AHI1: variants seen among roughly 807,000 people sequenced by gnomAD.
The protein encoded by AHI1 is Abelson helper integration site 1.
AHI1 carries 123 observed loss-of-function variants against 149.3 expected under a neutral mutation model. The observed-to-expected ratio is 0.82, with a 90% CI of 0.71 to 0.96. The LOEUF (loss-of-function observed/expected upper bound fraction) is 0.96. Among genes scored for constraint, AHI1 ranks in the 40% least tolerant of loss-of-function variants. The pLI is 0.00. For synonymous variants in AHI1, 475 were observed against 459.8 expected (o/e 1.03, Z -0.42); for missense variants, 1,439 against 1,422.7 (o/e 1.01, Z -0.18).
intron 23 of AHI1, among the ~76,000 whole-genome samples, chr6:135,372,353 A>T (rs1400265103): frequency 6.6e-6 from 1 of 152,096 alleles, no homozygotes; most frequent in Non-Finnish European, 1.5e-5. Flanking sequence ...CTTTTAAATT[A>T]AACCAAAACA....
chr6:135,304,694 C>G (rs780902241), intron 26 of AHI1, among the ~76,000 whole-genome samples: 1 of 152,062 alleles, frequency 6.6e-6, no homozygotes. Flanking sequence ...TTGCTTGAAC[C>G]CAGGAGGCGG....
chr6:135,320,628 T>C (rs948157812), intron 25 of AHI1, among the ~76,000 whole-genome samples: 5 of 152,210 alleles, frequency 3.3e-5, no homozygotes, highest in African/African-American at 1.2e-4. Flanking sequence ...CAAATATCTA[T>C]ATCCTCTCAA....
chr6:135,475,273 C>T (rs1176591480), intron 5 of AHI1, among the ~76,000 whole-genome samples: 1 of 152,144 alleles, frequency 6.6e-6, no homozygotes, highest in Non-Finnish European at 1.5e-5. Context: ...CTGATATCGG[C>T]AATTTGCGTC....
chr6:135,477,347 C>T (rs1047270008), intron 5 of AHI1, among the ~76,000 whole-genome samples: 16 of 152,084 alleles, frequency 1.1e-4, no homozygotes, highest in African/African-American at 2.4e-4. Flanking sequence ...GCCCTCTCTG[C>T]CCTCTTTTCC....
At chr6:135,312,051 T>C (rs569112751) in intron 26 of AHI1, among the ~76,000 whole-genome samples, 31 of 152,250 alleles carry the variant, frequency 2.0e-4, no homozygotes, top group Non-Finnish European at 3.4e-4. Flanking sequence ...ATGCAGCAGC[T>C]GCCAAGCTAT....
At chr6:135,298,088 T>C (rs975531543) in intron 27 of AHI1, among the ~76,000 whole-genome samples, 3 of 152,154 alleles carry the variant, frequency 2.0e-5, no homozygotes, top group Non-Finnish European at 4.4e-5. Context: ...ACATTAATAC[T>C]ACTTGTTAAG....
rs538859012 is a variant in AHI1 at position 135,383,062 on chromosome 6, T to C, written c.3109+11714A>G. Among the ~76,000 whole-genome samples, 15 of 148,528 alleles carry C rather than the reference T, an allele frequency of 1.0e-4. No homozygotes were observed. The East Asian group carries it at 2.3e-3, about 23-fold the overall frequency. ...TGTGAAATATGCGAAAACAAGTATA[T>C]ATGATTAATTTGGAGAAAAAGACCT... On this transcript the variant is annotated intron_variant, in intron 23 of 28. Coordinates refer to ENST00000265602, the MANE Select transcript of AHI1 (RefSeq NM_001134831.2).
At chr6:135,490,585 A>G (rs745765429) in intron 5 of AHI1, 38 bp downstream of exon 5, 3 of 1,611,840 alleles carry the variant, frequency 1.9e-6, no homozygotes, top group Admixed American at 1.7e-5. Flanking sequence ...TTTTATGCGC[A>G]TATGTAAATC....
At chr6:135,363,950 C>A (rs1794421855) in intron 23 of AHI1, among the ~76,000 whole-genome samples, 1 of 148,640 alleles carries the variant, frequency 6.7e-6, no homozygotes, top group East Asian at 2.0e-4. Context: ...GGGCTGACCC[C>A]CCCACCTCCC....
chr6:135,314,150 C>T (rs1437214834), intron 26 of AHI1, among the ~76,000 whole-genome samples: 4 of 152,088 alleles, frequency 2.6e-5, no homozygotes, highest in Admixed American at 1.3e-4. Context: ...TCTGTGTAAC[C>T]CCCAAATTCA....
chr6:135,467,566 G>T lies in AHI1; in HGVS notation c.189+15C>A, dbSNP rs769125088. Reference sequence around the variant, plus strand: ...TCATGCTCTTCTTCAGGCTGTTAGTGTTAGCAGTACTTACATCATCACTTG... The same window carrying T: ...TCATGCTCTTCTTCAGGCTGTTAGTTTTAGCAGTACTTACATCATCACTTG... On this transcript the variant is annotated intron_variant, in intron 6 of 28. Transcript: ENST00000265602. 17 of 1,595,064 alleles carry T rather than the reference G, an allele frequency of 1.1e-5. No homozygotes were observed. The highest frequency in any genetic ancestry group is 1.1e-5 in the Non-Finnish European group (13 of 1,163,342).
intron 23 of AHI1, among the ~76,000 whole-genome samples, chr6:135,373,528 GAAGAT>G: frequency 6.6e-6 from 1 of 152,194 alleles, no homozygotes; most frequent in East Asian, 1.9e-4. Flanking sequence ...ACAGTCTAGA[GAAGAT>G]AATAAAAGAA....
chr6:135,298,752 T>G (rs1783479027), intron 27 of AHI1, among the ~76,000 whole-genome samples: 1 of 152,214 alleles, frequency 6.6e-6, no homozygotes, highest in South Asian at 2.1e-4. Flanking sequence ...TGAGCTATAC[T>G]GACATCCTTT....
intron 24 of AHI1, among the ~76,000 whole-genome samples, chr6:135,346,681 G>A (rs1214534996): frequency 6.6e-6 from 1 of 152,120 alleles, no homozygotes; most frequent in African/African-American, 2.4e-5. Flanking sequence ...TTACCAAGTA[G>A]GTCTCAAGGA....
At chr6:135,491,696 A>T (rs1795272550) in intron 4 of AHI1, among the ~76,000 whole-genome samples, 1 of 152,224 alleles carries the variant, frequency 6.6e-6, no homozygotes, top group African/African-American at 2.4e-5. Context: ...TAAATTAATA[A>T]ATGCTGAATG....
In AHI1 at chr6:135,355,898, CAAAA is replaced by C. The variant is rs554300679; in HGVS notation, c.3165+2230_3165+2233del. ...TGGGCAACAGAGCGAGACTCTGTCT[CAAAA>C]AAACAAACAAACAAACAAACAAACA... is the stretch of plus-strand genomic sequence containing the variant. On this transcript the variant is annotated intron_variant, in intron 24 of 28. Transcript: ENST00000265602. 2.6e-3 allele frequency among the ~76,000 whole-genome samples: 395 copies of C among 150,554 alleles called. 4 individuals are homozygous for C. Among genetic ancestry groups the C allele is most frequent in the African/African-American group, 8.7e-3 (351 of 40,536 alleles).
At chr6:135,488,437 T>C (rs1024374999) in intron 5 of AHI1, among the ~76,000 whole-genome samples, 1 of 152,146 alleles carries the variant, frequency 6.6e-6, no homozygotes, top group Non-Finnish European at 1.5e-5. Flanking sequence ...GATATAGTTT[T>C]AAGGAAGCAA....
At chr6:135,303,340 C>A (rs769823055) in intron 26 of AHI1, among the ~76,000 whole-genome samples, 12 of 152,074 alleles carry the variant, frequency 7.9e-5, no homozygotes, top group Non-Finnish European at 1.5e-4. Context: ...ATTTATGATA[C>A]GGTATAGTTC....
At chr6:135,383,006 C>A (rs1171264456) in intron 23 of AHI1, among the ~76,000 whole-genome samples, 42 of 133,564 alleles carry the variant, frequency 3.1e-4, no homozygotes, top group African/African-American at 1.2e-3. Context: ...ACCACAGAAT[C>A]ACAGAATATA....
Sources: gnomAD v4.1 joint callset for allele counts (sites outside exome capture counted in the v4.1 genomes callset) on GRCh38, gnomAD v4.1.1 for gene constraint, MANE v1.5 for transcripts, NCBI Gene and HGNC (gene_info 2026-07-23, HGNC 2026-07-21) for gene names.